The following SNCAIP variants were observed in gnomAD, a reference collection of about 807,000 sequenced individuals.
SNCAIP encodes synphilin-1.
SNCAIP carries 43 observed loss-of-function variants against 86.7 expected under a neutral mutation model. The ratio of observed to expected loss-of-function variants is 0.50; its 90% CI spans 0.39 to 0.64. SNCAIP has a LOEUF of 0.64. Among genes scored for constraint, SNCAIP ranks in the 30% least tolerant of loss-of-function variants. SNCAIP has a pLI of 0.00. For synonymous variants in SNCAIP, 417 were observed against 427.2 expected, an observed-to-expected ratio of 0.98 and a Z score of 0.29; for missense variants, 981 against 1,103.1, an observed-to-expected ratio of 0.89 and a Z score of 1.57.
chr5:122,453,087 A>G (rs1051782954), intron 10 of SNCAIP: 37 of 747,822 alleles, frequency 4.9e-5, no homozygotes, highest in Non-Finnish European at 7.5e-5. Context: ...AGCACCTTTC[A>G]TCAGGGGATA....
At chr5:122,319,365 C>T (rs1333865997) in intron 1 of SNCAIP, among the ~76,000 whole-genome samples, 1 of 152,102 alleles carries the variant, frequency 6.6e-6, no homozygotes, top group African/African-American at 2.4e-5. Context: ...AAAATAAAAG[C>T]GTCTTATGGA....
At chr5:122,449,544 ATAT>A (rs1783273546) in intron 8 of SNCAIP, among the ~76,000 whole-genome samples, 2 of 152,330 alleles carry the variant, frequency 1.3e-5, no homozygotes, top group East Asian at 1.9e-4. Flanking sequence ...ATACTCAAAC[ATAT>A]TATCATTTTA....
intron 10 of SNCAIP, among the ~76,000 whole-genome samples, chr5:122,457,453 C>T (rs1177365047): frequency 6.6e-6 from 1 of 152,182 alleles, no homozygotes; most frequent in Non-Finnish European, 1.5e-5. Flanking sequence ...TCCAGAAACC[C>T]TTAGAGCAGC....
At chr5:122,331,719 C>T (rs374314003) in intron 1 of SNCAIP, among the ~76,000 whole-genome samples, 6 of 152,194 alleles carry the variant, frequency 3.9e-5, no homozygotes, top group African/African-American at 1.4e-4. Context: ...CCAGACTCAG[C>T]ACATTTAATG....
chr5:122,413,002 A>G (rs1257476850), intron 3 of SNCAIP, among the ~76,000 whole-genome samples: 1 of 152,202 alleles, frequency 6.6e-6, no homozygotes, highest in Non-Finnish European at 1.5e-5. Context: ...AGATGATGGT[A>G]TTTGGAGGTG....
At chr5:122,414,221 TA>T (rs1774782105) in intron 3 of SNCAIP, among the ~76,000 whole-genome samples, 2 of 151,038 alleles carry the variant, frequency 1.3e-5, no homozygotes, top group Non-Finnish European at 1.5e-5. Context: ...GAAAAGTCAT[TA>T]AAAATTATTT....
chr5:122,409,180 C>T (rs1380934815), intron 3 of SNCAIP, among the ~76,000 whole-genome samples: 1 of 152,162 alleles, frequency 6.6e-6, no homozygotes, highest in African/African-American at 2.4e-5. Context: ...GAAAAGAGGA[C>T]ACCACAAGGC....
rs926304922 is a variant in SNCAIP, at chr5:122,416,768, C to T, written c.131-6100C>T. Among the ~76,000 whole-genome samples the T allele has an allele frequency of 2.0e-5, 3 of 152,172 alleles. No individual in the cohort carries two copies. In the South Asian group the frequency reaches 6.2e-4, roughly 32 times the overall value. On this transcript the variant is annotated intron_variant, in intron 3 of 10. Coordinates refer to ENST00000261368, the MANE Select transcript of SNCAIP (RefSeq NM_005460.4). ...TACATAGGACTAACCAAACTCCTGA[C>T]TCTAGCATTAATACTCCCAATCATT...
At chr5:122,359,915 T>C (rs1032812156) in intron 1 of SNCAIP, among the ~76,000 whole-genome samples, 1 of 152,180 alleles carries the variant, frequency 6.6e-6, no homozygotes, top group African/African-American at 2.4e-5. Flanking sequence ...TTAACATGTA[T>C]TGCTAGCCAC....
intron 1 of SNCAIP, among the ~76,000 whole-genome samples, chr5:122,336,171 A>G (rs1161449501): frequency 2.0e-5 from 3 of 152,108 alleles, no homozygotes; most frequent in Non-Finnish European, 4.4e-5. Flanking sequence ...AATACTGGTT[A>G]TCAAGAGAGA....
In SNCAIP at chr5:122,423,352, A is replaced by G. The variant is rs148405314; in HGVS notation, c.615A>G (p.Ala205=). Residue 205 remains alanine (A), a synonymous_variant, in exon 4 of 11, where the codon GCA becomes GCG. Coordinates refer to ENST00000261368, the MANE Select transcript of SNCAIP (RefSeq NM_005460.4). ...GSSESSSSNM[A]PFCVLSPVKS... is the part of the protein sequence containing the mutation. Reference sequence around the variant, plus strand: ...CTGAGAGCTCATCATCCAACATGGCACCATTTTGTGTTCTTTCTCCCGTGA... The same window carrying G: ...CTGAGAGCTCATCATCCAACATGGCGCCATTTTGTGTTCTTTCTCCCGTGA... 3.1e-6 allele frequency: 5 copies of G among 1,613,894 alleles called. No homozygotes were observed. The highest frequency in any genetic ancestry group is 1.3e-5 in the African/African-American group (1 of 74,998).
Position 122,463,705 on chromosome 5 carries a change from A to C in SNCAIP, c.*209A>C. 1 of 579,880 alleles carries C rather than the reference A, an allele frequency of 1.7e-6. No individual in the cohort carries two copies. Among genetic ancestry groups the C allele is most frequent in the African/African-American group, 1.9e-5 (1 of 53,498 alleles). 35.9% of individuals were successfully genotyped at this position (579,880 alleles called of 1,614,324 possible). A position where few individuals can be genotyped will look rare whatever the true frequency, so the allele number is the denominator to read the frequency against. ...GAAGAACAGAATATCAGGATGCCTT[A>C]AATTTATAGTAGTAGACTGTAAAAG... On this transcript the variant is annotated 3_prime_UTR_variant, in exon 11 of 11. Transcript: ENST00000261368.
chr5:122,412,865 T>G (rs1000701332), intron 3 of SNCAIP, among the ~76,000 whole-genome samples: 2 of 152,244 alleles, frequency 1.3e-5, no homozygotes, highest in Non-Finnish European at 2.9e-5. Flanking sequence ...CCAGATTTCT[T>G]GCTTTCCCTG....
chr5:122,413,214 G>A lies in SNCAIP; in HGVS notation c.130+9349G>A, dbSNP rs143365371. Among the ~76,000 whole-genome samples the A allele has an allele frequency of 2.9e-3, 439 of 152,196 alleles. 3 individuals are homozygous for A. The highest frequency in any genetic ancestry group is 0.01 in the African/African-American group (430 of 41,502). On this transcript the variant is annotated intron_variant, in intron 3 of 10. Coordinates refer to ENST00000261368, the MANE Select transcript of SNCAIP (RefSeq NM_005460.4). Reference sequence around the variant, plus strand: ...TTATGGCCAATAAAATCCCCAAATGGGTTGGTCCCTGATGACATCCCCCAG... The same window carrying A: ...TTATGGCCAATAAAATCCCCAAATGAGTTGGTCCCTGATGACATCCCCCAG...
intron 10 of SNCAIP, among the ~76,000 whole-genome samples, chr5:122,458,511 CT>C (rs1258153936): frequency 6.6e-6 from 1 of 152,198 alleles, no homozygotes; most frequent in Non-Finnish European, 1.5e-5. Context: ...TCTCTTAAGG[CT>C]GGAGTTTCAA....
chr5:122,462,932 G>T (rs990410552), intron 10 of SNCAIP, among the ~76,000 whole-genome samples: 1 of 152,050 alleles, frequency 6.6e-6, no homozygotes, highest in South Asian at 2.1e-4. Context: ...CTCTTTTCCC[G>T]CAGACTTAGC....
At position 122,423,115 on chromosome 5, in the gene SNCAIP, G is replaced by A; in HGVS notation, c.378G>A (p.Val126=). The A allele has an allele frequency of 6.2e-7, 1 of 1,614,152 alleles. No individual in the cohort carries two copies. Among genetic ancestry groups the A allele is most frequent in the Non-Finnish European group, 8.5e-7 (1 of 1,180,028 alleles). ...QPQELGPGDG[V]GGPPGKSSEP... Reference sequence around the variant, plus strand: ...AGGAGCTTGGCCCTGGAGATGGAGTGGGCGGCCCACCAGGTAAGAGCTCTG... The same window carrying A: ...AGGAGCTTGGCCCTGGAGATGGAGTAGGCGGCCCACCAGGTAAGAGCTCTG... The change falls in exon 4 of 11, where the codon GTG becomes GTA. Residue 126 remains valine, a synonymous_variant. Transcript: ENST00000261368.
intron 2 of SNCAIP, among the ~76,000 whole-genome samples, chr5:122,395,230 T>G (rs547764021): frequency 2.0e-5 from 3 of 152,150 alleles, no homozygotes; most frequent in Non-Finnish European, 4.4e-5. Flanking sequence ...CCTCAACCTA[T>G]TACCCTAAAT....
intron 6 of SNCAIP, chr5:122,437,244 T>A (rs1440693244): frequency 1.3e-5 from 2 of 152,232 alleles, no homozygotes; most frequent in Non-Finnish European, 2.9e-5. Flanking sequence ...AGAAAAGTTT[T>A]GTCCTTCTTA....
Sources: allele counts gnomAD v4.1 joint callset (sites outside exome capture counted in the v4.1 genomes callset), GRCh38; gene constraint gnomAD v4.1.1; transcripts MANE v1.5; gene names NCBI Gene and HGNC (gene_info 2026-07-23, HGNC 2026-07-21).